CECR2: variants seen among roughly 807,000 people sequenced by gnomAD.
CECR2 encodes chromatin remodeling regulator CECR2.
CECR2 carries 30 observed loss-of-function variants against 154.5 expected under a neutral mutation model. The ratio of observed to expected loss-of-function variants is 0.19; its 90% CI spans 0.15 to 0.26. CECR2 has a LOEUF of 0.26. Among genes scored for constraint, CECR2 ranks in the 10% least tolerant of loss-of-function variants. The pLI, the probability that CECR2 is intolerant of heterozygous loss-of-function variation, is 1.00. For missense variants in CECR2, 1,743 were observed against 1,829.3 expected, an observed-to-expected ratio of 0.95 and a Z score of 0.86; for synonymous variants, 725 against 683.7, an observed-to-expected ratio of 1.06 and a Z score of -0.94.
rs1221535417 is a variant in CECR2 at position 17,542,841 on chromosome 22, G to A, written c.2698G>A (p.Val900Met). 6.2e-7 allele frequency: 1 copy of A among 1,613,774 alleles called. No homozygotes were observed. Among genetic ancestry groups the A allele is most frequent in the Admixed American group, 1.7e-5 (1 of 60,018 alleles). Residue 900 changes from valine to methionine, a missense_variant, in exon 16 of 19, where the codon GTG (valine) becomes ATG (methionine). Val to Met is a conservative substitution (Grantham distance 21, BLOSUM62 1). Around this residue, in one of 4 missense-constraint regions of CECR2, gnomAD observed 1,250 missense variants for 1,192.1 expected, o/e 1.05. Coordinates refer to ENST00000262608, the MANE Select transcript of CECR2 (RefSeq NM_001290047.2). ...QLSSRVCPPG[V>M]PYHPHQPAHP... ...CTCCTCCCGCGTCTGCCCCCCAGGT[G>A]TGCCTTACCACCCCCACCAGCCTGC...
At chr22:17,472,711 A>T (rs2518758) in intron 1 of CECR2, among the ~76,000 whole-genome samples, 1,730 of 152,338 alleles carry the variant, frequency 0.011, 16 homozygotes, top group South Asian at 0.04. Context: ...CTTTAGCAAA[A>T]GATTAATGAA....
chr22:17,517,174 G>T (rs1343210358), intron 8 of CECR2, among the ~76,000 whole-genome samples: 1 of 152,228 alleles, frequency 6.6e-6, no homozygotes, highest in Admixed American at 6.5e-5. Flanking sequence ...ACCGCGCCTG[G>T]CCAAGATCTG....
chr22:17,422,555 G>A (rs2054272068), intron 1 of CECR2, among the ~76,000 whole-genome samples: 1 of 152,088 alleles, frequency 6.6e-6, no homozygotes. Context: ...CTGTGGTTTG[G>A]TGTCTGACAT....
At chr22:17,447,875 T>G (rs1253775490) in intron 1 of CECR2, among the ~76,000 whole-genome samples, 2 of 116,900 alleles carry the variant, frequency 1.7e-5, no homozygotes, top group African/African-American at 4.6e-5. Flanking sequence ...ATTTCAAGTG[T>G]TTTTTTTTTG....
intron 1 of CECR2, among the ~76,000 whole-genome samples, chr22:17,464,494 C>CT (rs906723651): frequency 2.6e-4 from 39 of 152,036 alleles, no homozygotes; most frequent in African/African-American, 8.7e-4. Flanking sequence ...GAATAAAAGT[C>CT]TTTTTTTTCT....
chr22:17,477,822 A>C (rs949877056), intron 2 of CECR2, 140 bp downstream of exon 2: 2 of 638,982 alleles, frequency 3.1e-6, no homozygotes, highest in African/African-American at 3.6e-5. Context: ...ACGTACACGT[A>C]AATTTCCAGG....
At chr22:17,524,059 C>A in intron 8 of CECR2, 59 bp from the exon 9 acceptor site, 2 of 1,325,696 alleles carry the variant, frequency 1.5e-6, no homozygotes, top group Non-Finnish European at 2.1e-6. Flanking sequence ...GAACTGAGAG[C>A]AAAGAGCTTA....
intron 1 of CECR2, among the ~76,000 whole-genome samples, chr22:17,447,705 C>CAAA (rs1311428398): frequency 6.6e-6 from 1 of 150,848 alleles, no homozygotes; most frequent in Non-Finnish European, 1.5e-5. Context: ...CTTTAGTTTA[C>CAAA]TCATTAGGAT....
intron 1 of CECR2, among the ~76,000 whole-genome samples, chr22:17,469,354 C>T (rs538370522): frequency 6.6e-6 from 1 of 152,264 alleles, no homozygotes; most frequent in Non-Finnish European, 1.5e-5. Context: ...ATGGTCCTCA[C>T]GTTTACCTGC....
intron 2 of CECR2, among the ~76,000 whole-genome samples, chr22:17,496,247 C>T (rs2055625253): frequency 6.6e-6 from 1 of 152,054 alleles, no homozygotes; most frequent in Non-Finnish European, 1.5e-5. Flanking sequence ...CCTGTAATCC[C>T]AGCACTTTGT....
At chr22:17,517,167 G>A (rs1000500220) in intron 8 of CECR2, among the ~76,000 whole-genome samples, 21 of 152,112 alleles carry the variant, frequency 1.4e-4, no homozygotes, top group Non-Finnish European at 2.5e-4. Flanking sequence ...GTGAGCCACC[G>A]CGCCTGGCCA....
intron 1 of CECR2, among the ~76,000 whole-genome samples, chr22:17,442,643 G>A (rs1011312074): frequency 6.6e-6 from 1 of 152,126 alleles, no homozygotes; most frequent in African/African-American, 2.4e-5. Flanking sequence ...CCACCTCCCG[G>A]ATTCAAGCAG....
At chr22:17,439,535 T>G (rs2054553679) in intron 1 of CECR2, among the ~76,000 whole-genome samples, 1 of 151,276 alleles carries the variant, frequency 6.6e-6, no homozygotes. Flanking sequence ...GAATAAATCT[T>G]AATGACAAAA....
At position 17,552,936 on chromosome 22, in the gene CECR2, C is replaced by T. The variant is rs2056731577; in HGVS notation, c.*96C>T. 6.6e-7 allele frequency: 1 copy of T among 1,519,244 alleles called. No homozygotes were observed. The highest frequency in any genetic ancestry group is 1.4e-5 in the African/African-American group (1 of 71,012). 94.1% of individuals were successfully genotyped at this position (1,519,244 alleles called of 1,614,324 possible). On this transcript the variant is annotated 3_prime_UTR_variant, in exon 19 of 19. Coordinates refer to ENST00000262608, the MANE Select transcript of CECR2 (RefSeq NM_001290047.2). Reference sequence around the variant, plus strand: ...TGCCCTGTCAGCTCTATTCCCATCACCTGCTCCACCCCTTCACGGCGACCC... The same window carrying T: ...TGCCCTGTCAGCTCTATTCCCATCATCTGCTCCACCCCTTCACGGCGACCC...
At chr22:17,510,211 T>G (rs1485738750) in intron 7 of CECR2, among the ~76,000 whole-genome samples, 1 of 152,214 alleles carries the variant, frequency 6.6e-6, no homozygotes, top group African/African-American at 2.4e-5. Context: ...AGGGTTGAAG[T>G]GAAGCTGGCA....
intron 9 of CECR2, among the ~76,000 whole-genome samples, chr22:17,527,577 G>T (rs2056286011): frequency 6.6e-6 from 1 of 152,134 alleles, no homozygotes; most frequent in African/African-American, 2.4e-5. Flanking sequence ...GACCAACCTG[G>T]CCAACATGGC....
rs1486501002 is a variant in CECR2 at position 17,413,870 on chromosome 22, G to T, written c.126+43961G>T. Among the ~76,000 whole-genome samples, 6 of 149,540 alleles carry T rather than the reference G, an allele frequency of 4.0e-5. No individual in the cohort carries two copies. In the East Asian group the frequency reaches 1.2e-3, roughly 30 times the overall value. On this transcript the variant is annotated intron_variant, in intron 1 of 18. Transcript: ENST00000262608. ...TTTTTTTTTTTTTTAGTAGAGACAG[G>T]GTTTCACCATGGTAGCCAGGATGGT...
intron 2 of CECR2, among the ~76,000 whole-genome samples, chr22:17,490,103 G>A (rs1277865732): frequency 6.6e-6 from 1 of 151,046 alleles, no homozygotes; most frequent in Non-Finnish European, 1.5e-5. Flanking sequence ...GATTTAGTAT[G>A]TTAGTGGTAA....
chr22:17,481,973 G>A (rs910249930), intron 2 of CECR2, among the ~76,000 whole-genome samples: 5 of 151,552 alleles, frequency 3.3e-5, no homozygotes, highest in East Asian at 1.9e-4. Flanking sequence ...AAAAGTAGCC[G>A]GGCGTGGTGG....
Sources: allele counts gnomAD v4.1 joint callset (sites outside exome capture counted in the v4.1 genomes callset), GRCh38; gene constraint gnomAD v4.1.1; regional missense constraint gnomAD v4.1.1; transcripts MANE v1.5; gene names NCBI Gene and HGNC (gene_info 2026-07-23, HGNC 2026-07-21).